CCDC198: variants seen among roughly 807,000 people sequenced by gnomAD.
The protein encoded by CCDC198 is coiled-coil domain containing 198.
Under a neutral mutation model 35.6 loss-of-function variants are expected in CCDC198, and 18 were observed. The ratio of observed to expected loss-of-function variants is 0.51; its 90% confidence interval spans 0.35 to 0.75. The LOEUF (loss-of-function observed/expected upper bound fraction) is 0.75, where lower values mean the gene tolerates loss of function less well. Among genes scored for constraint, CCDC198 ranks in the 30% least tolerant of loss-of-function variants. The pLI is 0.01. For synonymous variants in CCDC198, 119 were observed against 113.4 expected (o/e 1.05, Z -0.31); for missense variants, 365 against 343.7 (o/e 1.06, Z -0.49).
intron 3 of CCDC198, 26 bp downstream of exon 3, chr14:57,483,039 C>T (rs754169539): frequency 1.9e-6 from 3 of 1,613,854 alleles, no homozygotes; most frequent in East Asian, 2.2e-5. Flanking sequence ...AGTTCACCTC[C>T]CTGTCAGGTT....
At position 57,483,129 on chromosome 14, in the gene CCDC198, G is replaced by T. The variant is rs775180996; in HGVS notation, c.329C>A (p.Pro110Gln). Residue 110 changes from proline (P) to glutamine (Q), a missense_variant, in exon 3 of 6, where the codon CCA becomes CAA. Coordinates refer to ENST00000216445, the MANE Select transcript of CCDC198 (RefSeq NM_018168.4). The stretch of plus-strand genomic sequence containing the variant: ...GAGTCTTCCTGAAGTAATTACTCGT[G>T]GCAAGTCAATGGGTTCAAGCTTCTA... ...RLQKLEPIDL[P>Q]RVITSGRLLS... The T allele has an allele frequency of 5.6e-6, 9 of 1,613,990 alleles. No individual in the cohort carries two copies. The East Asian group carries it at 2.0e-4, about 36-fold the overall frequency.
In CCDC198 at chr14:57,469,862, T is replaced by G. The variant is rs551780009; in HGVS notation, c.*1493A>C. The G allele has an allele frequency of 3.9e-5, 6 of 152,214 alleles. No homozygotes were observed. In the East Asian group the frequency reaches 1.2e-3, roughly 29 times the overall value. 9.4% of individuals were successfully genotyped at this position (152,214 alleles called of 1,614,324 possible). On this transcript the variant is annotated 3_prime_UTR_variant, in exon 6 of 6. Coordinates refer to ENST00000216445, the MANE Select transcript of CCDC198 (RefSeq NM_018168.4). The stretch of plus-strand genomic sequence containing the variant: ...CAAATTGAAGTGGTGTTTTCCTCTA[T>G]TTTTTTCTGTTTTTGGAGTCTTCCC...
At chr14:57,489,649 G>C (rs955740173) in intron 2 of CCDC198, among the ~76,000 whole-genome samples, 1 of 152,112 alleles carries the variant, frequency 6.6e-6, no homozygotes, top group African/African-American at 2.4e-5. Context: ...GTTTGACTCT[G>C]AAATACCAAT....
At chr14:57,493,144 G>A (rs930860370) in intron 1 of CCDC198, among the ~76,000 whole-genome samples, 8 of 152,124 alleles carry the variant, frequency 5.3e-5, no homozygotes, top group African/African-American at 1.7e-4. Flanking sequence ...TAACTGAAAC[G>A]CGATTGCTAT....
chr14:57,472,486 T>C (rs928792128), intron 5 of CCDC198, among the ~76,000 whole-genome samples: 1 of 152,184 alleles, frequency 6.6e-6, no homozygotes, highest in Non-Finnish European at 1.5e-5. Flanking sequence ...ACAGGTGACA[T>C]TGGGTAGTGC....
chr14:57,493,153 A>G (rs757600413), intron 1 of CCDC198, among the ~76,000 whole-genome samples: 5 of 152,192 alleles, frequency 3.3e-5, no homozygotes, highest in Non-Finnish European at 4.4e-5. Flanking sequence ...CGCGATTGCT[A>G]TCATTTATCA....
At chr14:57,478,609 C>A in intron 5 of CCDC198, 1 of 987,762 alleles carries the variant, frequency 1.0e-6, no homozygotes, top group Non-Finnish European at 1.2e-6. Context: ...TCTTGGCGTG[C>A]TCTCAAGTGA....
chr14:57,471,590 C>A lies in CCDC198; in HGVS notation c.656G>T (p.Gly219Val). The change falls in exon 6 of 6, where the codon GGA becomes GTA. Residue 219 changes from glycine to valine, a missense_variant and splice_region_variant. Coordinates refer to ENST00000216445, the MANE Select transcript of CCDC198 (RefSeq NM_018168.4). Reference protein sequence around the residue: ...LPDEILNRGPGNSKNTEFLKH... With the variant: ...LPDEILNRGPVNSKNTEFLKH... Reference sequence around the variant, plus strand: ...CAAAAATTCTGTATTCTTTGAATTTCCTACAAAAAAATTAAGTTTCTTTAA... The same window carrying A: ...CAAAAATTCTGTATTCTTTGAATTTACTACAAAAAAATTAAGTTTCTTTAA... The A allele has an allele frequency of 6.6e-7, 1 of 1,525,622 alleles. No individual in the cohort carries two copies. The highest frequency in any genetic ancestry group is 2.1e-5 in the Admixed American group (1 of 48,608). The allele number at this position is 1,525,622 out of a possible 1,614,324, so 94.5% of individuals were successfully genotyped here. A position where few individuals can be genotyped will look rare whatever the true frequency, so the allele number is the denominator to read the frequency against.
intron 1 of CCDC198, among the ~76,000 whole-genome samples, chr14:57,491,601 G>A (rs1174133872): frequency 6.6e-6 from 1 of 152,022 alleles, no homozygotes; most frequent in Non-Finnish European, 1.5e-5. Flanking sequence ...TCCACAGGTT[G>A]CCACTGTAAT....
intron 2 of CCDC198, among the ~76,000 whole-genome samples, chr14:57,483,756 T>C (rs2067265605): frequency 6.6e-6 from 1 of 152,180 alleles, no homozygotes; most frequent in Non-Finnish European, 1.5e-5. Flanking sequence ...TGTCAACCGG[T>C]CTGCCTCCAG....
intron 4 of CCDC198, among the ~76,000 whole-genome samples, chr14:57,481,235 T>C (rs1152523): frequency 1.3e-5 from 2 of 152,184 alleles, no homozygotes; most frequent in African/African-American, 2.4e-5. Context: ...AAAGAACAAC[T>C]CACCCCCTCC....
chr14:57,483,419 C>T (rs1468361138), intron 2 of CCDC198: 2 of 401,080 alleles, frequency 5.0e-6, no homozygotes, highest in African/African-American at 2.0e-5. Context: ...AGATACTCTT[C>T]TGTCTGCATT....
At chr14:57,479,003 G>A (rs1383508923) in intron 5 of CCDC198, 2 of 1,289,212 alleles carry the variant, frequency 1.6e-6, no homozygotes, top group Non-Finnish European at 2.0e-6. Flanking sequence ...AACAATATTG[G>A]AAATTTCAAC....
rs2067092909 is a variant in CCDC198, at chr14:57,478,929, T to C, written c.655+1666A>G. On this transcript the variant is annotated intron_variant, in intron 5 of 5. Coordinates refer to ENST00000216445, the MANE Select transcript of CCDC198 (RefSeq NM_018168.4). The stretch of plus-strand genomic sequence containing the variant: ...CATAGCCAGCTTTTCTGCAGCTCTC[T>C]CAGCGGTGGGTCAGTCCTGCTGATG... The C allele has an allele frequency of 3.9e-6, 5 of 1,271,994 alleles. No individual in the cohort carries two copies. In the South Asian group the frequency reaches 6.4e-5, roughly 16 times the overall value. 78.8% of individuals were successfully genotyped at this position (1,271,994 alleles called of 1,614,324 possible). A position where few individuals can be genotyped will look rare whatever the true frequency, so the allele number is the denominator to read the frequency against.
rs1468649107 is a variant in CCDC198 at position 57,480,648 on chromosome 14, TC to T, written c.601del (p.Asp201MetfsTer6). ...CAACATGGTTAGAAGGTCATGGTCA[TC>T]ATTCCTTGGGGTGCTTTGAAGGGTT... ...KKTLQSTPRN[D>X]DHDLLTMLPD... On this transcript the variant is annotated frameshift_variant, in exon 5 of 6. Transcript: ENST00000216445. LOFTEE classifies it high-confidence loss of function. 6 of 1,614,078 alleles carry T rather than the reference TC, an allele frequency of 3.7e-6. No homozygotes were observed. Among genetic ancestry groups the T allele is most frequent in the Non-Finnish European group, 4.2e-6 (5 of 1,180,020 alleles).
Position 57,481,534 on chromosome 14 carries a change from A to T in CCDC198, c.495+25T>A, listed in dbSNP as rs1195508757. 12 of 1,537,432 alleles carry T rather than the reference A, an allele frequency of 7.8e-6. No homozygotes were observed. In the African/African-American group the frequency reaches 9.6e-5, roughly 12 times the overall value. On this transcript the variant is annotated intron_variant, in intron 4 of 5. Transcript: ENST00000216445. ...GTGATTATGTGATGAAAATTTGGTA[A>T]ATATGACACTCTTCTCGTATTTACC...
intron 2 of CCDC198, among the ~76,000 whole-genome samples, chr14:57,489,867 T>C (rs1422084640): frequency 6.6e-6 from 1 of 152,162 alleles, no homozygotes; most frequent in African/African-American, 2.4e-5. Flanking sequence ...GTATTTGATT[T>C]AGGAATAAAA....
At chr14:57,490,520 C>T (rs535861229) in intron 2 of CCDC198, among the ~76,000 whole-genome samples, 88 of 152,184 alleles carry the variant, frequency 5.8e-4, no homozygotes, top group Non-Finnish European at 1.1e-3. Flanking sequence ...CTCTGTGAGT[C>T]TTTGGGGGTA....
chr14:57,476,845 C>T (rs958554105), intron 5 of CCDC198, among the ~76,000 whole-genome samples: 1 of 152,198 alleles, frequency 6.6e-6, no homozygotes, highest in Non-Finnish European at 1.5e-5. Flanking sequence ...CTTAGCTACA[C>T]TCCATTTGTA....
Sources: gnomAD v4.1 joint callset for allele counts (sites outside exome capture counted in the v4.1 genomes callset) on GRCh38, gnomAD v4.1.1 for gene constraint, MANE v1.5 for transcripts, NCBI Gene and HGNC (gene_info 2026-07-23, HGNC 2026-07-21) for gene names.